The following CSNK1G1 variants were observed in gnomAD, a reference collection of about 807,000 sequenced individuals.
CSNK1G1 encodes casein kinase I isoform gamma-1.
Under a neutral mutation model 59.6 loss-of-function variants are expected in CSNK1G1, and 22 were observed. The observed-to-expected ratio is 0.37, with a 90% CI of 0.26 to 0.53. CSNK1G1 has a LOEUF of 0.53. Ranked by LOEUF, CSNK1G1 falls within the 20% of genes least tolerant of loss-of-function variation. The probability of loss-of-function intolerance (pLI) is 0.89; values close to 1 mark genes in which losing one functional copy is unlikely to be tolerated. For missense variants in CSNK1G1, 384 were observed against 519.5 expected, an observed-to-expected ratio of 0.74 and a Z score of 2.54; for synonymous variants, 179 against 177.1, an observed-to-expected ratio of 1.01 and a Z score of -0.08.
chr15:64,353,646 C>CA (rs11301406), intron 1 of CSNK1G1, among the ~76,000 whole-genome samples: 5,371 of 113,284 alleles, frequency 0.047, 127 homozygotes, highest in South Asian at 0.086. Context: ...GACTCCATTT[C>CA]AAAAAAAAAA....
chr15:64,308,712 C>T (rs1166563667), intron 1 of CSNK1G1, among the ~76,000 whole-genome samples: 2 of 151,874 alleles, frequency 1.3e-5, no homozygotes, highest in Admixed American at 6.6e-5. Context: ...CTGGCTAACA[C>T]GGTGAAACCC....
At chr15:64,333,460 G>T (rs1183630137) in intron 1 of CSNK1G1, among the ~76,000 whole-genome samples, 1 of 20,308 alleles carries the variant, frequency 4.9e-5, no homozygotes, top group Non-Finnish European at 1.4e-4. Context: ...AAAAAAAAAA[G>T]GTCAATATGT....
In CSNK1G1 at chr15:64,269,367, G is replaced by A. The variant is rs75003688; in HGVS notation, c.182-10126C>T. 6.9e-3 allele frequency among the ~76,000 whole-genome samples: 1,052 copies of A among 152,232 alleles called. 11 individuals are homozygous for A. Among genetic ancestry groups the A allele is most frequent in the African/African-American group, 0.017 (709 of 41,534 alleles). On this transcript the variant is annotated intron_variant, in intron 2 of 11. Coordinates refer to ENST00000303052, the MANE Select transcript of CSNK1G1 (RefSeq NM_022048.5). ...GATTGGACTTTGGAGCTCATTCTTG[G>A]TGTGTTCAGGAAATCAATTTCTTCC...
At chr15:64,289,097 T>C (rs1894589788) in intron 2 of CSNK1G1, among the ~76,000 whole-genome samples, 2 of 151,594 alleles carry the variant, frequency 1.3e-5, no homozygotes, top group South Asian at 4.2e-4. Flanking sequence ...CGAGAATCAC[T>C]TGAACCCAGG....
rs1230748482 is a variant in CSNK1G1, at chr15:64,238,446, T to TCACGCCACTACACTCCAGCCTGGGTGACA, written c.292+13037_292+13065dup. Among the ~76,000 whole-genome samples the TCACGCCACTACACTCCAGCCTGGGTGACA allele has an allele frequency of 3.9e-5, 5 of 127,236 alleles. 1 individual carries two copies. The highest frequency in any genetic ancestry group is 1.5e-4 in the African/African-American group (5 of 32,342). 83.5% of individuals were successfully genotyped at this position (127,236 alleles called of 152,430 possible). A position where few individuals can be genotyped will look rare whatever the true frequency, so the allele number is the denominator to read the frequency against. On this transcript the variant is annotated intron_variant, in intron 4 of 11. Coordinates refer to ENST00000303052, the MANE Select transcript of CSNK1G1 (RefSeq NM_022048.5). The stretch of plus-strand genomic sequence containing the variant: ...AGTTTGAGGCTGCAGTAAGCTATGA[T>TCACGCCACTACACTCCAGCCTGGGTGACA]CACGCCACTACACTCCAGCCTGGGT...
At chr15:64,279,990 A>C (rs1382552578) in intron 2 of CSNK1G1, among the ~76,000 whole-genome samples, 1 of 151,776 alleles carries the variant, frequency 6.6e-6, no homozygotes, top group African/African-American at 2.4e-5. Context: ...AAAAAACAAA[A>C]CAGAAACAAA....
At chr15:64,324,822 T>A (rs183999274) in intron 1 of CSNK1G1, among the ~76,000 whole-genome samples, 1 of 152,340 alleles carries the variant, frequency 6.6e-6, no homozygotes, top group East Asian at 1.9e-4. Flanking sequence ...GAAATTTCTT[T>A]AATGGTTCTT....
intron 2 of CSNK1G1, among the ~76,000 whole-genome samples, chr15:64,271,078 G>C (rs8029419): frequency 2.0e-5 from 3 of 151,772 alleles, no homozygotes; most frequent in Non-Finnish European, 4.4e-5. Context: ...TGCCTCCTGC[G>C]TTCAAGTGAT....
At chr15:64,241,968 C>T (rs1193443296) in intron 4 of CSNK1G1, among the ~76,000 whole-genome samples, 2 of 150,784 alleles carry the variant, frequency 1.3e-5, no homozygotes, top group Non-Finnish European at 3.0e-5. Flanking sequence ...GCTAGACTAA[C>T]CAAGAAAAAA....
chr15:64,285,149 G>A (rs1894341170), intron 2 of CSNK1G1, among the ~76,000 whole-genome samples: 1 of 151,884 alleles, frequency 6.6e-6, no homozygotes, highest in Non-Finnish European at 1.5e-5. Flanking sequence ...ATAAAATCTA[G>A]ATTTAACTGG....
At chr15:64,237,157 T>C (rs2082627076) in intron 4 of CSNK1G1, among the ~76,000 whole-genome samples, 1 of 152,134 alleles carries the variant, frequency 6.6e-6, no homozygotes, top group African/African-American at 2.4e-5. Context: ...AGATGAGAAA[T>C]TGGTTGGTAG....
chr15:64,304,946 T>C (rs1895585514), intron 1 of CSNK1G1, among the ~76,000 whole-genome samples: 1 of 152,202 alleles, frequency 6.6e-6, no homozygotes, highest in African/African-American at 2.4e-5. Context: ...TTGCTTTTGG[T>C]CCTCATGCTT....
intron 4 of CSNK1G1, among the ~76,000 whole-genome samples, chr15:64,244,927 C>T (rs1342770083): frequency 6.6e-6 from 1 of 152,084 alleles, no homozygotes; most frequent in Non-Finnish European, 1.5e-5. Flanking sequence ...ATGTTACTGG[C>T]ATAAACAGAC....
At chr15:64,322,174 A>C (rs1896599398) in intron 1 of CSNK1G1, among the ~76,000 whole-genome samples, 1 of 152,046 alleles carries the variant, frequency 6.6e-6, no homozygotes, top group South Asian at 2.1e-4. Context: ...ATAAAGTCTT[A>C]TTGTAACTTG....
At chr15:64,288,220 C>T (rs958844788) in intron 2 of CSNK1G1, among the ~76,000 whole-genome samples, 6 of 151,940 alleles carry the variant, frequency 3.9e-5, no homozygotes, top group African/African-American at 9.7e-5. Context: ...AGTAACAGTG[C>T]TCTCATAGAT....
At chr15:64,261,399 G>A (rs769165530) in intron 2 of CSNK1G1, among the ~76,000 whole-genome samples, 7 of 151,984 alleles carry the variant, frequency 4.6e-5, no homozygotes, top group Non-Finnish European at 1.0e-4. Context: ...TCAGGAGTTC[G>A]AGAACAGCCT....
At chr15:64,241,074 A>G (rs2082687259) in intron 4 of CSNK1G1, among the ~76,000 whole-genome samples, 1 of 152,286 alleles carries the variant, frequency 6.6e-6, no homozygotes, top group East Asian at 1.9e-4. Flanking sequence ...CAAGATGCAG[A>G]CTGGATGAAC....
At chr15:64,233,675 G>A (rs548839311) in intron 4 of CSNK1G1, among the ~76,000 whole-genome samples, 4 of 152,216 alleles carry the variant, frequency 2.6e-5, no homozygotes, top group Non-Finnish European at 4.4e-5. Context: ...TCCAGAAGTC[G>A]GGCCTCAGAA....
At chr15:64,344,702 GTT>G (rs1176641888) in intron 1 of CSNK1G1, among the ~76,000 whole-genome samples, 4 of 152,132 alleles carry the variant, frequency 2.6e-5, no homozygotes, top group Non-Finnish European at 5.9e-5. Flanking sequence ...AATTAGCACA[GTT>G]ATATCAGAAA....
Sources: allele counts gnomAD v4.1 joint callset (sites outside exome capture counted in the v4.1 genomes callset), GRCh38; gene constraint gnomAD v4.1.1; transcripts MANE v1.5; gene names NCBI Gene and HGNC (gene_info 2026-07-23, HGNC 2026-07-21).